Variants in ACTR3C observed in about 807,000 individuals in gnomAD.
ACTR3C encodes actin-related protein 3C.
Under a neutral mutation model 26.3 loss-of-function variants are expected in ACTR3C, and 18 were observed. The ratio of observed to expected loss-of-function variants is 0.68; its 90% CI spans 0.47 to 1.01. The LOEUF is 1.01. Ranked by LOEUF, ACTR3C falls within the 50% of genes least tolerant of loss-of-function variation. ACTR3C has a pLI of 0.00. For missense variants in ACTR3C, 184 were observed against 250.7 expected, an observed-to-expected ratio of 0.73 and a Z score of 1.80; for synonymous variants, 55 against 94.5, an observed-to-expected ratio of 0.58 and a Z score of 2.42.
At chr7:149,903,903 G>GTTTGTTGTTGTT in the ACTR3C span, among the ~76,000 whole-genome samples, 1 of 49,574 alleles carries the variant, frequency 2.0e-5, no homozygotes, top group African/African-American at 6.6e-5. Context: ...TGTTGTTGCT[G>GTTTGTTGTTGTT]GTTGTTGTTG....
At chr7:150,024,507 C>G in the ACTR3C span, among the ~76,000 whole-genome samples, 1 of 144,650 alleles carries the variant, frequency 6.9e-6, no homozygotes, top group East Asian at 2.1e-4. Context: ...CCGACAGTTG[C>G]TTTCCTTCAT....
chr7:150,023,971 T>C, the ACTR3C span, among the ~76,000 whole-genome samples: 1 of 144,740 alleles, frequency 6.9e-6, no homozygotes, highest in Non-Finnish European at 1.5e-5. Flanking sequence ...AAATCCTTGG[T>C]AGAGAGCACA....
At chr7:149,950,397 T>C in the ACTR3C span, among the ~76,000 whole-genome samples, 1 of 147,692 alleles carries the variant, frequency 6.8e-6, no homozygotes, top group South Asian at 2.1e-4. Context: ...CCAGACTCAC[T>C]GTCCCAGGAG....
the ACTR3C span, among the ~76,000 whole-genome samples, chr7:149,927,676 C>G: frequency 1.3e-5 from 2 of 148,344 alleles, no homozygotes; most frequent in Non-Finnish European, 3.0e-5. Flanking sequence ...TGTGGTGAGC[C>G]AAGATCACGC....
chr7:150,221,635 G>A, the ACTR3C span, among the ~76,000 whole-genome samples: 1 of 152,174 alleles, frequency 6.6e-6, no homozygotes, highest in Non-Finnish European at 1.5e-5. Flanking sequence ...GAAGGAAGAA[G>A]TTAGACTAAT....
At chr7:149,922,677 T>C in the ACTR3C span, among the ~76,000 whole-genome samples, 46 of 151,408 alleles carry the variant, frequency 3.0e-4, no homozygotes, top group African/African-American at 9.4e-4. Context: ...GTTAGTTTTG[T>C]TCATTTTTAG....
chr7:150,220,625 G>C, the ACTR3C span, among the ~76,000 whole-genome samples: 2 of 151,766 alleles, frequency 1.3e-5, no homozygotes, highest in Non-Finnish European at 2.9e-5. Context: ...CCAGAAGCGG[G>C]AGCAAACCCA....
the ACTR3C span, among the ~76,000 whole-genome samples, chr7:150,037,335 G>GA: frequency 3.2e-5 from 2 of 62,098 alleles, no homozygotes; most frequent in African/African-American, 8.9e-5. Flanking sequence ...CTAAGCCGGG[G>GA]GGGGAAGAGG....
At chr7:150,200,269 C>T in the ACTR3C span, among the ~76,000 whole-genome samples, 1 of 152,150 alleles carries the variant, frequency 6.6e-6, no homozygotes, top group South Asian at 2.1e-4. Flanking sequence ...GGGTGTTAAG[C>T]CCAGGTCTGA....
At chr7:150,266,405 T>G (rs1029946478) in intron 6 of ACTR3C, among the ~76,000 whole-genome samples, 3 of 150,936 alleles carry the variant, frequency 2.0e-5, no homozygotes, top group African/African-American at 7.4e-5. Context: ...ATTTACTTTC[T>G]CATTTCATAT....
At chr7:150,183,792 C>T in the ACTR3C span, among the ~76,000 whole-genome samples, 1 of 146,560 alleles carries the variant, frequency 6.8e-6, no homozygotes, top group South Asian at 2.2e-4. Flanking sequence ...CCACCCAAAT[C>T]TCACCTTGAG....
At chr7:150,044,326 A>G in the ACTR3C span, among the ~76,000 whole-genome samples, 5 of 152,280 alleles carry the variant, frequency 3.3e-5, no homozygotes, top group East Asian at 9.6e-4. Context: ...TTATTTTTAA[A>G]CCTACACAAT....
chr7:150,302,246 ATAATAT>A (rs1795482766), intron 1 of ACTR3C, among the ~76,000 whole-genome samples: 3 of 152,370 alleles, frequency 2.0e-5, no homozygotes, highest in African/African-American at 7.2e-5. Context: ...ATGATCAAAA[ATAATAT>A]TAATGCTGAC....
the ACTR3C span, among the ~76,000 whole-genome samples, chr7:150,165,325 T>C: frequency 6.6e-6 from 1 of 151,930 alleles, no homozygotes; most frequent in Non-Finnish European, 1.5e-5. Context: ...AACAAAGTGA[T>C]GTGCTAGATA....
chr7:150,134,502 C>T, the ACTR3C span, among the ~76,000 whole-genome samples: 15 of 152,336 alleles, frequency 9.8e-5, no homozygotes, highest in East Asian at 1.9e-4. Context: ...CACATGAACA[C>T]GTGCACAAAC....
the ACTR3C span, among the ~76,000 whole-genome samples, chr7:150,081,968 C>T: frequency 5.6e-3 from 856 of 152,036 alleles, 11 homozygotes; most frequent in African/African-American, 0.019. Context: ...TTAAGTTCAC[C>T]TTGATTTCCT....
At chr7:150,143,772 A>G in the ACTR3C span, among the ~76,000 whole-genome samples, 1 of 152,180 alleles carries the variant, frequency 6.6e-6, no homozygotes, top group Non-Finnish European at 1.5e-5. Context: ...CAGCGGCCAG[A>G]CCCACCTGCA....
At chr7:149,940,688 G>A in the ACTR3C span, among the ~76,000 whole-genome samples, 98,338 of 135,838 alleles carry the variant, frequency 0.72, 38,471 homozygotes, top group Non-Finnish European at 0.88. Flanking sequence ...ATGCCGGCCT[G>A]CAAAAGAGAT....
the ACTR3C span, among the ~76,000 whole-genome samples, chr7:150,060,494 CA>C: frequency 6.6e-6 from 1 of 152,218 alleles, no homozygotes; most frequent in African/African-American, 2.4e-5. Flanking sequence ...CCTATCTTTG[CA>C]AAACAACTGG....
Sources: gnomAD v4.1 joint callset for allele counts (sites outside exome capture counted in the v4.1 genomes callset) on GRCh38, gnomAD v4.1.1 for gene constraint, MANE v1.5 for transcripts, NCBI Gene and HGNC (gene_info 2026-07-23, HGNC 2026-07-21) for gene names.